CPNE2: variants seen among roughly 807,000 people sequenced by gnomAD.
CPNE2 encodes copine 2.
A neutral mutation model predicts 69.7 loss-of-function variants in CPNE2; 42 were observed. That is an observed-to-expected ratio of 0.60 (90% CI 0.47 to 0.78). CPNE2 has a LOEUF of 0.78. Ranked by LOEUF, CPNE2 falls within the 30% of genes least tolerant of loss-of-function variation. CPNE2 has a pLI of 0.00. For missense variants in CPNE2, 587 were observed against 732.0 expected (o/e 0.80, Z 2.29); for synonymous variants, 294 against 289.8 (o/e 1.01, Z -0.15).
chr16:57,114,306 C>A (rs1327227676), intron 3 of CPNE2, among the ~76,000 whole-genome samples: 1 of 152,194 alleles, frequency 6.6e-6, no homozygotes, highest in Admixed American at 6.5e-5. Context: ...AAGCTGACCA[C>A]CTTCACCTGG....
intron 4 of CPNE2, among the ~76,000 whole-genome samples, chr16:57,116,803 C>A (rs1206311726): frequency 5.3e-5 from 8 of 152,144 alleles, no homozygotes; most frequent in African/African-American, 1.9e-4. Context: ...GTCCAGAGGG[C>A]CAGATGCCTT....
chr16:57,099,185 C>A (rs866693717), intron 1 of CPNE2, among the ~76,000 whole-genome samples: 2 of 152,194 alleles, frequency 1.3e-5, no homozygotes, highest in Non-Finnish European at 2.9e-5. Context: ...TGTTTAAGGG[C>A]ACCTAAGTGA....
At chr16:57,098,996 C>T (rs2069596133) in intron 1 of CPNE2, among the ~76,000 whole-genome samples, 1 of 152,128 alleles carries the variant, frequency 6.6e-6, no homozygotes, top group South Asian at 2.1e-4. Context: ...ATAGAGCAGA[C>T]ATTCTACATG....
At chr16:57,128,472 C>T (rs542539256) in intron 12 of CPNE2, among the ~76,000 whole-genome samples, 82 of 152,276 alleles carry the variant, frequency 5.4e-4, no homozygotes, top group African/African-American at 1.5e-3. Flanking sequence ...GGTGATCCAC[C>T]GGCCTCAGCC....
At chr16:57,128,526 G>A (rs1462101433) in intron 12 of CPNE2, among the ~76,000 whole-genome samples, 3 of 152,116 alleles carry the variant, frequency 2.0e-5, no homozygotes, top group African/African-American at 7.2e-5. Context: ...TGTGACCAGT[G>A]CAGATAAACA....
chr16:57,116,617 C>G (rs1041474186), intron 4 of CPNE2, among the ~76,000 whole-genome samples: 18 of 152,296 alleles, frequency 1.2e-4, no homozygotes, highest in African/African-American at 4.1e-4. Flanking sequence ...TCAGACAGAC[C>G]CCACTCACCC....
At chr16:57,147,258 A>ATAG (rs2069965321) in intron 15 of CPNE2, 1 of 313,926 alleles carries the variant, frequency 3.2e-6, no homozygotes, top group Non-Finnish European at 5.8e-6. Flanking sequence ...TGCCGGACAC[A>ATAG]TAGGTGCTTC....
At chr16:57,127,796 C>G in intron 11 of CPNE2, 53 bp from the exon 12 acceptor site, 6 of 1,573,620 alleles carry the variant, frequency 3.8e-6, no homozygotes, top group Admixed American at 1.7e-5. Flanking sequence ...GGCAGAGGGT[C>G]GGGTGGTGTC....
In CPNE2 at chr16:57,121,776, C is replaced by T. The variant is rs748271128; in HGVS notation, c.867+16C>T. 6.2e-7 allele frequency: 1 copy of T among 1,612,718 alleles called. No individual in the cohort carries two copies. Among genetic ancestry groups the T allele is most frequent in the Non-Finnish European group, 8.5e-7 (1 of 1,178,732 alleles). On this transcript the variant is annotated intron_variant, in intron 9 of 15. Coordinates refer to ENST00000290776, the MANE Select transcript of CPNE2 (RefSeq NM_152727.6). ...ATCCTGCAAGGTGAACCAGCGTGGG[C>T]AAGCACGAGCCAGGGGCCAGGTTTC...
chr16:57,144,458 CTG>C (rs2145287197), intron 14 of CPNE2: 1 of 152,406 alleles, frequency 6.6e-6, no homozygotes, highest in African/African-American at 2.4e-5. Context: ...AAGGGCTGAC[CTG>C]GGGTCCAGCT....
At chr16:57,116,543 C>A (rs569950546) in intron 4 of CPNE2, among the ~76,000 whole-genome samples, 1 of 152,234 alleles carries the variant, frequency 6.6e-6, no homozygotes, top group Admixed American at 6.5e-5. Context: ...GAGAGTGAAA[C>A]CCCATCTCTG....
chr16:57,134,388 G>A (rs559619124), intron 12 of CPNE2, among the ~76,000 whole-genome samples: 14 of 152,318 alleles, frequency 9.2e-5, no homozygotes, highest in Admixed American at 6.5e-4. Flanking sequence ...GAGAAGCGGT[G>A]CTCTAGTTGT....
At chr16:57,105,512 CG>C (rs1203765495) in intron 1 of CPNE2, among the ~76,000 whole-genome samples, 3 of 151,908 alleles carry the variant, frequency 2.0e-5, no homozygotes, top group Non-Finnish European at 4.4e-5. Flanking sequence ...CACAGCTCAC[CG>C]CAGCCCCAAA....
At chr16:57,112,662 C>A (rs776869294) in intron 2 of CPNE2, among the ~76,000 whole-genome samples, 11 of 152,188 alleles carry the variant, frequency 7.2e-5, no homozygotes, top group Non-Finnish European at 1.3e-4. Context: ...CAGTACCAGG[C>A]CCTGTCCTCA....
At chr16:57,140,899 T>A (rs1225652803) in intron 14 of CPNE2, 1 of 139,460 alleles carries the variant, frequency 7.2e-6, no homozygotes, top group Admixed American at 7.5e-5. Flanking sequence ...TTTTTTTAAT[T>A]CCTGGGTTTG....
chr16:57,134,676 C>T (rs541297184), intron 12 of CPNE2, 99 bp from the exon 13 acceptor site: 23 of 1,287,930 alleles, frequency 1.8e-5, no homozygotes, highest in Middle Eastern at 1.9e-4. Context: ...GGTTATGAGC[C>T]GGTGCTCTCA....
At position 57,123,620 on chromosome 16, in the gene CPNE2, G is replaced by A. The variant is rs2069779323; in HGVS notation, c.927+147G>A. 4 of 836,540 alleles carry A rather than the reference G, an allele frequency of 4.8e-6. No individual in the cohort carries two copies. In the South Asian group the frequency reaches 6.3e-5, roughly 13 times the overall value. The allele number at this position is 836,540 out of a possible 1,614,324, so 51.8% of individuals were successfully genotyped here. A position where few individuals can be genotyped will look rare whatever the true frequency, so the allele number is the denominator to read the frequency against. On this transcript the variant is annotated intron_variant, in intron 10 of 15. Transcript: ENST00000290776. ...GCAAAGAGTGTGTGCGGCCTAGTGA[G>A]GAGGGCATAAGTGGGCTGTCTGGTC...
At chr16:57,131,315 T>TGTCCTCTCTG (rs1389753117) in intron 12 of CPNE2, among the ~76,000 whole-genome samples, 1 of 152,228 alleles carries the variant, frequency 6.6e-6, no homozygotes, top group Non-Finnish European at 1.5e-5. Context: ...TTTTGCCTCC[T>TGTCCTCTCTG]GTCCTCTCTG....
Position 57,122,490 on chromosome 16 carries a change from T to TG in CPNE2, c.867+732dup, listed in dbSNP as rs1349012804. Among the ~76,000 whole-genome samples the TG allele has an allele frequency of 6.6e-5, 10 of 152,378 alleles. No homozygotes were observed. The East Asian group carries it at 1.9e-3, about 29-fold the overall frequency. ...TGTCAGGTTGCAGCCTTGTGATGGATGGTCCTTGTTTCTGAAGTTTCCATC... is the reference window on the plus strand; with the variant it reads ...TGTCAGGTTGCAGCCTTGTGATGGATGGGTCCTTGTTTCTGAAGTTTCCATC... On this transcript the variant is annotated intron_variant, in intron 9 of 15. Coordinates refer to ENST00000290776, the MANE Select transcript of CPNE2 (RefSeq NM_152727.6).
Sources: gnomAD v4.1 joint callset for allele counts (sites outside exome capture counted in the v4.1 genomes callset) on GRCh38, gnomAD v4.1.1 for gene constraint, MANE v1.5 for transcripts, NCBI Gene and HGNC (gene_info 2026-07-23, HGNC 2026-07-21) for gene names.